PSAT1: variants seen among roughly 807,000 people sequenced by gnomAD.
The protein encoded by PSAT1 is phosphoserine aminotransferase.
In PSAT1, 41 loss-of-function variants were observed where a neutral mutation model predicts 40.3. The observed-to-expected ratio is 1.02, with a 90% CI of 0.79 to 1.32. The LOEUF (loss-of-function observed/expected upper bound fraction) is 1.32. Among genes scored for constraint, PSAT1 ranks in the 40% most tolerant of loss-of-function variants. The probability of loss-of-function intolerance (pLI) is 0.00; values close to 1 mark genes in which losing one functional copy is unlikely to be tolerated. For missense variants in PSAT1, 406 were observed against 455.8 expected (o/e 0.89, Z 0.99); for synonymous variants, 147 against 170.5 (o/e 0.86, Z 1.07).
At chr9:78,307,607 A>C (rs999208049) in intron 5 of PSAT1, among the ~76,000 whole-genome samples, 1 of 152,172 alleles carries the variant, frequency 6.6e-6, no homozygotes, top group Non-Finnish European at 1.5e-5. Flanking sequence ...TGCACAACAG[A>C]ATTACCTAAA....
At chr9:78,298,852 A>G (rs983083592) in intron 1 of PSAT1, among the ~76,000 whole-genome samples, 3 of 152,306 alleles carry the variant, frequency 2.0e-5, no homozygotes, top group Admixed American at 2.0e-4. Context: ...CATGTTTACA[A>G]AATGACAAAG....
chr9:78,326,199 G>A (rs1226886041), intron 7 of PSAT1, among the ~76,000 whole-genome samples: 3 of 152,102 alleles, frequency 2.0e-5, no homozygotes, highest in Non-Finnish European at 2.9e-5. Context: ...TGTGCCCTCA[G>A]GGGGCCTCTC....
At chr9:78,328,404 A>T (rs1323147006) in intron 8 of PSAT1, among the ~76,000 whole-genome samples, 1 of 152,108 alleles carries the variant, frequency 6.6e-6, no homozygotes, top group African/African-American at 2.4e-5. Context: ...TCCATCTTCC[A>T]TGAGGGTTTT....
At chr9:78,314,798 G>GC (rs1404811651) in intron 6 of PSAT1, among the ~76,000 whole-genome samples, 143 of 152,042 alleles carry the variant, frequency 9.4e-4, no homozygotes, top group African/African-American at 2.9e-3. Flanking sequence ...CCTGACATGG[G>GC]CCTTGCTGCA....
In PSAT1 at chr9:78,306,217, G is replaced by C. The variant is rs562811313; in HGVS notation, c.398-97G>C. 305 of 1,329,918 alleles carry C rather than the reference G, an allele frequency of 2.3e-4. 1 individual carries two copies. Among genetic ancestry groups the C allele is most frequent in the Non-Finnish European group, 3.1e-4 (285 of 923,528 alleles). 82.4% of individuals were successfully genotyped at this position (1,329,918 alleles called of 1,614,324 possible). On this transcript the variant is annotated intron_variant, in intron 4 of 8. Coordinates refer to ENST00000376588, the MANE Select transcript of PSAT1 (RefSeq NM_058179.4). ...CTTTGGAGTCAGTTAGTCTTTCCCT[G>C]CTAGGGGAGGCCTGTCAGTCTCCTG...
chr9:78,306,825 G>A lies in PSAT1; in HGVS notation c.570+339G>A, dbSNP rs576952066. On this transcript the variant is annotated intron_variant, in intron 5 of 8. Coordinates refer to ENST00000376588, the MANE Select transcript of PSAT1 (RefSeq NM_058179.4). ...CAGATGCAGATTATCCCGAGCCCAGGGGACCTATGTGAGGGAGCTTCCCCT... is the reference window on the plus strand; with the variant it reads ...CAGATGCAGATTATCCCGAGCCCAGAGGACCTATGTGAGGGAGCTTCCCCT... Among the ~76,000 whole-genome samples the A allele has an allele frequency of 1.5e-3, 227 of 152,286 alleles. 2 individuals carry two copies. Among genetic ancestry groups the A allele is most frequent in the African/African-American group, 5.1e-3 (213 of 41,560 alleles).
chr9:78,319,975 T>G (rs1365802658), intron 7 of PSAT1, among the ~76,000 whole-genome samples: 1 of 130,168 alleles, frequency 7.7e-6, no homozygotes, highest in Admixed American at 7.8e-5. Flanking sequence ...CATCTATCCA[T>G]CCACTCATTC....
At chr9:78,298,370 C>G in intron 1 of PSAT1, 1 of 985,338 alleles carries the variant, frequency 1.0e-6, no homozygotes, top group Non-Finnish European at 1.2e-6. Flanking sequence ...TAGAAATCTC[C>G]CTGGGACAGA....
chr9:78,305,294 T>C (rs1828165177), intron 4 of PSAT1, among the ~76,000 whole-genome samples: 1 of 152,180 alleles, frequency 6.6e-6, no homozygotes, highest in Non-Finnish European at 1.5e-5. Context: ...TTTGTATTTT[T>C]AGTAGAGACA....
Position 78,328,203 on chromosome 9 carries a change from A to C in PSAT1, c.1007+15A>C. 6.2e-7 allele frequency: 1 copy of C among 1,614,000 alleles called. No individual in the cohort carries two copies. Among genetic ancestry groups the C allele is most frequent in the Non-Finnish European group, 8.5e-7 (1 of 1,179,954 alleles). On this transcript the variant is annotated intron_variant, in intron 8 of 8. Transcript: ENST00000376588. The stretch of plus-strand genomic sequence containing the variant: ...AAAGGGCATAGGTGAGTACATCTGC[A>C]ATGCACGAGCTTGGCAAAGAATTAG...
intron 7 of PSAT1, among the ~76,000 whole-genome samples, chr9:78,321,734 C>T (rs1209511864): frequency 6.6e-6 from 1 of 152,146 alleles, no homozygotes; most frequent in Non-Finnish European, 1.5e-5. Context: ...ATGTTGAGCC[C>T]ACGTGGGCCG....
chr9:78,326,102 T>TGCCC (rs1476863906), intron 7 of PSAT1, among the ~76,000 whole-genome samples: 5 of 152,132 alleles, frequency 3.3e-5, no homozygotes, highest in African/African-American at 1.2e-4. Context: ...GCTCAAAGTC[T>TGCCC]TTTCCCCATA....
intron 7 of PSAT1, among the ~76,000 whole-genome samples, chr9:78,321,077 C>G (rs1260150883): frequency 5.9e-5 from 9 of 152,210 alleles, no homozygotes; most frequent in Admixed American, 5.9e-4. Context: ...AGAAGGCAGC[C>G]TGCCAAACTA....
intron 1 of PSAT1, among the ~76,000 whole-genome samples, chr9:78,298,913 G>A (rs1382046954): frequency 1.3e-5 from 2 of 152,014 alleles, no homozygotes; most frequent in African/African-American, 2.4e-5. Flanking sequence ...ATGATGTGTA[G>A]CCTAATTACC....
intron 6 of PSAT1, among the ~76,000 whole-genome samples, chr9:78,316,848 A>C (rs4399009): frequency 0.88 from 133,983 of 152,240 alleles, 59,076 homozygotes; most frequent in East Asian, 0.95. Context: ...TGTGCTAAGG[A>C]TGTGGGTAGA....
intron 7 of PSAT1, 21 bp downstream of exon 7, chr9:78,317,825 TC>T (rs2118682115): frequency 1.2e-6 from 2 of 1,610,526 alleles, no homozygotes; most frequent in Middle Eastern, 4.4e-4. Context: ...GGATTTTATC[TC>T]CTATTTTGCC....
At chr9:78,300,509 C>A in intron 1 of PSAT1, 93 bp from the exon 2 acceptor site, 1 of 1,483,906 alleles carries the variant, frequency 6.7e-7, no homozygotes, top group Non-Finnish European at 9.0e-7. Flanking sequence ...TCACTGTAGA[C>A]CCTTCCTTGT....
In PSAT1 at chr9:78,317,812, A is replaced by G; in HGVS notation, c.869+8A>G. ...TTCTCAAGGATTCTACGTGTAAGTC[A>G]ATGGATTTTATCTCCTATTTTGCCT... On this transcript the variant is annotated splice_region_variant and intron_variant, in intron 7 of 8. Transcript: ENST00000376588. 6.2e-7 allele frequency: 1 copy of G among 1,611,888 alleles called. No homozygotes were observed. Among genetic ancestry groups the G allele is most frequent in the Non-Finnish European group, 8.5e-7 (1 of 1,179,470 alleles).
chr9:78,306,300 G>A lies in PSAT1; in HGVS notation c.398-14G>A, dbSNP rs202026355. 7 of 1,611,910 alleles carry A rather than the reference G, an allele frequency of 4.3e-6. No homozygotes were observed. Among genetic ancestry groups the A allele is most frequent in the Admixed American group, 1.7e-5 (1 of 60,000 alleles). ...GTGAAAAGTGCAAAGTCTCAAACTT[G>A]TCTTCTGTGATAGAAATTCCAGATC... On this transcript the variant is annotated splice_polypyrimidine_tract_variant and intron_variant, in intron 4 of 8. Transcript: ENST00000376588.
Sources: allele counts gnomAD v4.1 joint callset (sites outside exome capture counted in the v4.1 genomes callset), GRCh38; gene constraint gnomAD v4.1.1; transcripts MANE v1.5; gene names NCBI Gene and HGNC (gene_info 2026-07-23, HGNC 2026-07-21).